Variants in SYNRG observed in about 807,000 individuals in gnomAD.
SYNRG encodes the protein AP1 gamma subunit binding protein 1.
In SYNRG, 37 loss-of-function variants were observed where a neutral mutation model predicts 130.9. The observed-to-expected ratio is 0.28, with a 90% CI of 0.22 to 0.37. SYNRG has a LOEUF of 0.37. Ranked by LOEUF, SYNRG falls within the 10% of genes least tolerant of loss-of-function variation. The pLI is 1.00. For missense variants in SYNRG, 1,338 were observed against 1,588.9 expected (o/e 0.84, Z 2.68); for synonymous variants, 539 against 568.1 (o/e 0.95, Z 0.73).
intron 1 of SYNRG, among the ~76,000 whole-genome samples, chr17:37,607,617 C>T (rs1281455069): frequency 6.6e-6 from 1 of 152,112 alleles, no homozygotes; most frequent in Non-Finnish European, 1.5e-5. Context: ...GGTGAAACCC[C>T]GTCTCTACTA....
At chr17:37,565,749 G>T (rs1339114176) in intron 11 of SYNRG, among the ~76,000 whole-genome samples, 1 of 145,466 alleles carries the variant, frequency 6.9e-6, no homozygotes, top group Non-Finnish European at 1.5e-5. Flanking sequence ...CTGTCTGGGA[G>T]GTGAGGAGCG....
chr17:37,570,513 T>G (rs1037474625), intron 10 of SYNRG, 124 bp downstream of exon 10: 2 of 1,309,338 alleles, frequency 1.5e-6, no homozygotes, highest in African/African-American at 3.0e-5. Context: ...TTCTGAAAGA[T>G]ACAACCTAAG....
chr17:37,587,746 T>A lies in SYNRG; in HGVS notation c.241-1197A>T, dbSNP rs575360728. Among the ~76,000 whole-genome samples, 7 of 152,342 alleles carry A rather than the reference T, an allele frequency of 4.6e-5. No homozygotes were observed. The South Asian group carries it at 1.5e-3, about 32-fold the overall frequency. On this transcript the variant is annotated intron_variant, in intron 3 of 21. Transcript: ENST00000612223. Reference sequence around the variant, plus strand: ...CATGGGTAACTCACCTAACACTGTGTGGTCTTCCAGGTCTTTAGCCTCCTC... The same window carrying A: ...CATGGGTAACTCACCTAACACTGTGAGGTCTTCCAGGTCTTTAGCCTCCTC...
At chr17:37,601,306 T>C (rs2063258822) in intron 1 of SYNRG, among the ~76,000 whole-genome samples, 1 of 152,068 alleles carries the variant, frequency 6.6e-6, no homozygotes, top group Non-Finnish European at 1.5e-5. Flanking sequence ...TGACCTCAGG[T>C]GATCCACCCG....
chr17:37,520,046 G>A (rs2054797544), intron 21 of SYNRG, 133 bp downstream of exon 21: 7 of 961,990 alleles, frequency 7.3e-6, no homozygotes, highest in Non-Finnish European at 9.8e-6. Context: ...CAAACATTAT[G>A]GGAACAAAAC....
At chr17:37,531,996 C>T (rs1193266680) in intron 19 of SYNRG, among the ~76,000 whole-genome samples, 4 of 152,192 alleles carry the variant, frequency 2.6e-5, no homozygotes, top group Non-Finnish European at 4.4e-5. Flanking sequence ...TAATTTTTCA[C>T]GTTTACAAAG....
chr17:37,552,154 G>A (rs2058756531), intron 14 of SYNRG, among the ~76,000 whole-genome samples: 3 of 152,152 alleles, frequency 2.0e-5, no homozygotes, highest in Admixed American at 2.0e-4. Flanking sequence ...AGTGTCTCAC[G>A]TGTCCCCCCT....
intron 20 of SYNRG, 103 bp from the exon 21 acceptor site, chr17:37,520,317 C>G: frequency 1.4e-6 from 2 of 1,471,290 alleles, no homozygotes; most frequent in Non-Finnish European, 1.9e-6. Context: ...GACCTCCCCA[C>G]TATGCACAGG....
intron 19 of SYNRG, among the ~76,000 whole-genome samples, chr17:37,526,380 C>T (rs2055918628): frequency 6.6e-6 from 1 of 152,194 alleles, no homozygotes; most frequent in Admixed American, 6.5e-5. Context: ...TGAAGCATAA[C>T]CTAGTCTAAT....
At chr17:37,574,976 AT>A (rs1272751802) in intron 8 of SYNRG, among the ~76,000 whole-genome samples, 1 of 152,196 alleles carries the variant, frequency 6.6e-6, no homozygotes, top group Non-Finnish European at 1.5e-5. Flanking sequence ...CATAAAAAAA[AT>A]TGAGATCCTG....
chr17:37,590,046 C>G (rs1354631937), intron 3 of SYNRG, among the ~76,000 whole-genome samples: 7 of 151,830 alleles, frequency 4.6e-5, no homozygotes, highest in Non-Finnish European at 1.0e-4. Context: ...TGGGGCATGC[C>G]TGTAGTCCCA....
intron 14 of SYNRG, among the ~76,000 whole-genome samples, chr17:37,548,408 A>C (rs2058445852): frequency 1.3e-5 from 2 of 152,234 alleles, no homozygotes; most frequent in Non-Finnish European, 2.9e-5. Context: ...TGTATTTTGA[A>C]TGGCAGGCCT....
chr17:37,590,303 C>A (rs2062059243), intron 3 of SYNRG, among the ~76,000 whole-genome samples: 1 of 151,596 alleles, frequency 6.6e-6, no homozygotes, highest in African/African-American at 2.4e-5. Context: ...TTTGACACAA[C>A]ATGACACTAT....
At chr17:37,573,391 G>A (rs762406525) in intron 8 of SYNRG, among the ~76,000 whole-genome samples, 6 of 151,926 alleles carry the variant, frequency 3.9e-5, no homozygotes, top group Non-Finnish European at 8.8e-5. Context: ...TGACAGACTG[G>A]TTCCGTCTCA....
At chr17:37,596,090 T>C (rs113950736) in intron 3 of SYNRG, 133 bp downstream of exon 3, 1 of 1,028,664 alleles carries the variant, frequency 9.7e-7, no homozygotes. Flanking sequence ...CACATCTTCA[T>C]TTTAGTTTGA....
In SYNRG at chr17:37,596,168, A is replaced by G; in HGVS notation, c.240+55T>C. The G allele has an allele frequency of 3.1e-6, 5 of 1,589,470 alleles. No individual in the cohort carries two copies. In the South Asian group the frequency reaches 3.3e-5, roughly 11 times the overall value. On this transcript the variant is annotated intron_variant, in intron 3 of 21. Transcript: ENST00000612223. Reference sequence around the variant, plus strand: ...GCTCTTAGCCTGTAGCTCTTGATATATAAACGTAACAACAAACAATAACTT... The same window carrying G: ...GCTCTTAGCCTGTAGCTCTTGATATGTAAACGTAACAACAAACAATAACTT...
chr17:37,579,193 G>A (rs1394440324), intron 6 of SYNRG: 24 of 1,225,104 alleles, frequency 2.0e-5, no homozygotes, highest in African/African-American at 3.2e-5. Flanking sequence ...GCCCAGGGAC[G>A]CCATGTAAGG....
chr17:37,605,136 C>T (rs918821252), intron 1 of SYNRG, among the ~76,000 whole-genome samples: 1 of 152,152 alleles, frequency 6.6e-6, no homozygotes, highest in African/African-American at 2.4e-5. Flanking sequence ...TGCAGAGTTG[C>T]CACAAACCTT....
chr17:37,579,780 T>C (rs1033277497), intron 6 of SYNRG, among the ~76,000 whole-genome samples: 1 of 152,186 alleles, frequency 6.6e-6, no homozygotes, highest in South Asian at 2.1e-4. Flanking sequence ...TCATAGCTCA[T>C]GATCATAGCA....
Sources: allele counts gnomAD v4.1 joint callset (sites outside exome capture counted in the v4.1 genomes callset), GRCh38; gene constraint gnomAD v4.1.1; transcripts MANE v1.5; gene names NCBI Gene and HGNC (gene_info 2026-07-23, HGNC 2026-07-21).